Variants in SPHKAP observed in about 807,000 individuals in gnomAD.
SPHKAP encodes the protein SPHK1 interactor, AKAP domain containing, also known as A-kinase anchor protein SPHKAP.
A neutral mutation model predicts 137.5 loss-of-function variants in SPHKAP; 67 were observed. The ratio of observed to expected loss-of-function variants is 0.49; its 90% CI spans 0.40 to 0.60. SPHKAP has a LOEUF of 0.60. Among genes scored for constraint, SPHKAP ranks in the 20% least tolerant of loss-of-function variants. SPHKAP has a pLI of 0.00. For synonymous variants in SPHKAP, 813 were observed against 785.3 expected (o/e 1.04, Z -0.59); for missense variants, 2,097 against 2,069.3 (o/e 1.01, Z -0.26).
At chr2:228,150,861 A>G (rs1422276537) in intron 1 of SPHKAP, among the ~76,000 whole-genome samples, 1 of 151,814 alleles carries the variant, frequency 6.6e-6, no homozygotes, top group Non-Finnish European at 1.5e-5. Context: ...AGCAATCCTC[A>G]TACCTCAGCC....
At chr2:227,984,765 T>G (rs1693152750) in intron 11 of SPHKAP, among the ~76,000 whole-genome samples, 1 of 152,196 alleles carries the variant, frequency 6.6e-6, no homozygotes, top group Non-Finnish European at 1.5e-5. Context: ...ATTGAGTTTC[T>G]GAGGTCTCAC....
intron 5 of SPHKAP, among the ~76,000 whole-genome samples, chr2:228,023,636 C>A (rs1478875183): frequency 6.6e-6 from 1 of 152,080 alleles, no homozygotes; most frequent in Non-Finnish European, 1.5e-5. Context: ...CTATTGCATG[C>A]AAATTATGCA....
rs779477505 is a variant in SPHKAP at position 228,017,627 on chromosome 2, C to G, written c.3227G>C (p.Ser1076Thr). 1 of 1,614,008 alleles carries G rather than the reference C, an allele frequency of 6.2e-7. No homozygotes were observed. The highest frequency in any genetic ancestry group is 8.5e-7 in the Non-Finnish European group (1 of 1,180,046). The change falls in exon 7 of 12, where the codon AGC becomes ACC. Residue 1076 changes from serine to threonine, a missense_variant. By Grantham distance (58) the Ser-to-Thr change is moderately conservative. Coordinates refer to ENST00000392056, the MANE Select transcript of SPHKAP (RefSeq NM_001142644.2). The part of the protein sequence containing the change: ...RNRLLSGDRW[S>T]RLKASSCESI... ...TTCGCAGCTGGAGGCCTTCAGCCGG[C>G]TCCACCTGTCGCCACTCAGTAACCG...
At chr2:228,053,169 C>A (rs1696317133) in intron 3 of SPHKAP, among the ~76,000 whole-genome samples, 1 of 152,068 alleles carries the variant, frequency 6.6e-6, no homozygotes. Flanking sequence ...TATCTCTCTT[C>A]CCCCTGGTGT....
chr2:228,092,693 A>G (rs1337555937), intron 3 of SPHKAP, among the ~76,000 whole-genome samples: 3 of 149,406 alleles, frequency 2.0e-5, no homozygotes, highest in African/African-American at 5.0e-5. Flanking sequence ...ATATACGTGT[A>G]TATATATATG....
At chr2:228,001,576 T>C (rs1176571544) in intron 7 of SPHKAP, among the ~76,000 whole-genome samples, 6 of 147,296 alleles carry the variant, frequency 4.1e-5, no homozygotes, top group Non-Finnish European at 5.9e-5. Flanking sequence ...TACACACATA[T>C]ATATTTATTA....
At chr2:228,053,194 A>G (rs1273756236) in intron 3 of SPHKAP, among the ~76,000 whole-genome samples, 6 of 152,038 alleles carry the variant, frequency 3.9e-5, no homozygotes, top group Admixed American at 2.0e-4. Context: ...TCTTCTTTTC[A>G]TAAGGGCAAT....
Position 228,016,872 on chromosome 2 carries a change from C to T in SPHKAP, c.3982G>A (p.Ala1328Thr), listed in dbSNP as rs61752223. ...MRKNKIIVDD[A>T]EEADTEPVSG... The stretch of plus-strand genomic sequence containing the variant: ...ACAGGCTCAGTGTCAGCTTCCTCTG[C>T]ATCATCCACAATGATTTTGTTCTTG... Residue 1328 changes from alanine to threonine, a missense_variant, in exon 7 of 12, where the codon GCA (alanine) becomes ACA (threonine). Coordinates refer to ENST00000392056, the MANE Select transcript of SPHKAP (RefSeq NM_001142644.2). The T allele has an allele frequency of 3.6e-3, 5,825 of 1,614,114 alleles. 25 individuals carry two copies. The highest frequency in any genetic ancestry group is 0.017 in the Middle Eastern group (102 of 6,062).
intron 1 of SPHKAP, among the ~76,000 whole-genome samples, chr2:228,158,649 C>T (rs1159598728): frequency 2.0e-5 from 3 of 152,152 alleles, no homozygotes; most frequent in African/African-American, 7.2e-5. Context: ...TGATCCCATA[C>T]CTCTAAGATT....
intron 2 of SPHKAP, among the ~76,000 whole-genome samples, chr2:228,128,257 T>G (rs1699139615): frequency 6.6e-6 from 1 of 152,208 alleles, no homozygotes; most frequent in African/African-American, 2.4e-5. Flanking sequence ...TACGTAATAT[T>G]CTGAATCCTT....
At chr2:228,054,933 A>G (rs886120347) in intron 3 of SPHKAP, among the ~76,000 whole-genome samples, 7 of 152,138 alleles carry the variant, frequency 4.6e-5, no homozygotes, top group Non-Finnish European at 4.4e-5. Flanking sequence ...TGAGGTCAGG[A>G]GTTCGAGACC....
At chr2:228,022,262 G>T in intron 5 of SPHKAP, 1 of 885,382 alleles carries the variant, frequency 1.1e-6, no homozygotes. Context: ...AACAGGCAAA[G>T]AAGATTTTTA....
rs752714610 is a variant in SPHKAP at position 227,980,412 on chromosome 2, C to CT, written c.*1304dup. On this transcript the variant is annotated 3_prime_UTR_variant, in exon 12 of 12. Transcript: ENST00000392056. ...TTCACATTTAAAATTACTTTGTGAT[C>CT]TTTAAAAATAGAGTAAAAGTATAGT... The CT allele has an allele frequency of 6.6e-6, 1 of 152,098 alleles. No individual in the cohort carries two copies. Among genetic ancestry groups the CT allele is most frequent in the Non-Finnish European group, 1.5e-5 (1 of 68,020 alleles). 9.4% of individuals were successfully genotyped at this position (152,098 alleles called of 1,614,324 possible).
At chr2:228,002,999 C>A (rs548280314) in intron 7 of SPHKAP, among the ~76,000 whole-genome samples, 2 of 152,134 alleles carry the variant, frequency 1.3e-5, no homozygotes, top group African/African-American at 4.8e-5. Context: ...AGTCAGGCAG[C>A]GTGATGCCTC....
At chr2:228,113,772 A>C (rs933262842) in intron 2 of SPHKAP, among the ~76,000 whole-genome samples, 1 of 151,974 alleles carries the variant, frequency 6.6e-6, no homozygotes, top group South Asian at 2.1e-4. Context: ...AATGATCTGA[A>C]GGCCACTTCT....
At chr2:228,029,530 G>A (rs1269389001) in intron 3 of SPHKAP, among the ~76,000 whole-genome samples, 1 of 152,154 alleles carries the variant, frequency 6.6e-6, no homozygotes, top group Non-Finnish European at 1.5e-5. Context: ...ATAACTTGAT[G>A]GGCATTAGGG....
At chr2:228,117,561 T>C (rs1698751810) in intron 2 of SPHKAP, among the ~76,000 whole-genome samples, 2 of 152,172 alleles carry the variant, frequency 1.3e-5, no homozygotes, top group African/African-American at 2.4e-5. Context: ...AGGCAAGTAC[T>C]AAGACACTTT....
chr2:228,079,181 A>G (rs1697279709), intron 3 of SPHKAP, among the ~76,000 whole-genome samples: 1 of 152,194 alleles, frequency 6.6e-6, no homozygotes, highest in African/African-American at 2.4e-5. Flanking sequence ...TTAGATTCTC[A>G]TGAAGAGTGC....
At chr2:228,029,443 A>G (rs1324496707) in intron 3 of SPHKAP, among the ~76,000 whole-genome samples, 2 of 152,198 alleles carry the variant, frequency 1.3e-5, no homozygotes, top group Non-Finnish European at 2.9e-5. Flanking sequence ...CCCAAAGAAT[A>G]GGAGATTTCT....
Sources: gnomAD v4.1 joint callset for allele counts (sites outside exome capture counted in the v4.1 genomes callset) on GRCh38, gnomAD v4.1.1 for gene constraint, MANE v1.5 for transcripts, NCBI Gene and HGNC (gene_info 2026-07-23, HGNC 2026-07-21) for gene names.